Variants in FMN1 observed in about 807,000 individuals in gnomAD.
The protein encoded by FMN1 is formin-1.
FMN1 carries 110 observed loss-of-function variants against 132.4 expected under a neutral mutation model. The ratio of observed to expected loss-of-function variants is 0.83; its 90% CI spans 0.71 to 0.97. FMN1 has a LOEUF of 0.97. FMN1 is among the 50% of genes least tolerant of loss of function. The probability of loss-of-function intolerance (pLI) is 0.00; values close to 1 mark genes in which losing one functional copy is unlikely to be tolerated. For missense variants in FMN1, 1,792 were observed against 1,705.3 expected (o/e 1.05, Z -0.90); for synonymous variants, 722 against 651.7 (o/e 1.11, Z -1.64).
In FMN1 at chr15:32,867,936, C is replaced by T. The variant is rs770809198; in HGVS notation, c.3836-10829G>A. Reference sequence around the variant, plus strand: ...TGTATTTTTCTTACTGTTAAATCTCCAGCATCTACTGTAATGTCTATCTAG... The same window carrying T: ...TGTATTTTTCTTACTGTTAAATCTCTAGCATCTACTGTAATGTCTATCTAG... On this transcript the variant is annotated intron_variant, in intron 16 of 20. Transcript: ENST00000616417. 1.4e-4 allele frequency among the ~76,000 whole-genome samples: 21 copies of T among 152,164 alleles called. 1 individual carries two copies. Among genetic ancestry groups the T allele is most frequent in the Admixed American group, 7.2e-4 (11 of 15,278 alleles).
intron 4 of FMN1, among the ~76,000 whole-genome samples, chr15:33,151,829 G>T (rs1964451588): frequency 6.6e-6 from 1 of 152,080 alleles, no homozygotes; most frequent in African/African-American, 2.4e-5. Flanking sequence ...GACTTTCCTG[G>T]TGAAGCATAT....
At chr15:32,856,203 G>T (rs568112258) in intron 17 of FMN1, among the ~76,000 whole-genome samples, 49 of 152,262 alleles carry the variant, frequency 3.2e-4, no homozygotes, top group Admixed American at 8.5e-4. Flanking sequence ...CTCAGTAATA[G>T]AAAAAGCATG....
chr15:32,823,304 G>A (rs543982273), intron 17 of FMN1, among the ~76,000 whole-genome samples: 127 of 151,764 alleles, frequency 8.4e-4, no homozygotes, highest in Non-Finnish European at 1.5e-3. Context: ...TGGGACTACA[G>A]GCACCCACCA....
intron 4 of FMN1, among the ~76,000 whole-genome samples, chr15:33,124,585 A>G (rs887554618): frequency 6.6e-6 from 1 of 152,164 alleles, no homozygotes; most frequent in African/African-American, 2.4e-5. Context: ...CTTGGTCTTC[A>G]CCATCAGCAT....
At chr15:33,022,219 A>C (rs188529930) in intron 6 of FMN1, among the ~76,000 whole-genome samples, 2 of 152,258 alleles carry the variant, frequency 1.3e-5, no homozygotes, top group East Asian at 3.9e-4. Context: ...TTTTTTCCCA[A>C]ATGTTTCCAA....
At chr15:33,058,360 T>C (rs2037330528) in intron 6 of FMN1, among the ~76,000 whole-genome samples, 1 of 152,218 alleles carries the variant, frequency 6.6e-6, no homozygotes, top group Non-Finnish European at 1.5e-5. Context: ...CTGAATGCAC[T>C]GGTTTTATTT....
chr15:33,186,114 T>C (rs112807105), intron 2 of FMN1, among the ~76,000 whole-genome samples: 6 of 151,988 alleles, frequency 3.9e-5, no homozygotes, highest in African/African-American at 7.2e-5. Flanking sequence ...AGCTCTTCTA[T>C]TGCAAAGAGT....
At chr15:32,921,124 A>G (rs143612271) in intron 10 of FMN1, among the ~76,000 whole-genome samples, 6 of 152,342 alleles carry the variant, frequency 3.9e-5, no homozygotes, top group African/African-American at 7.2e-5. Flanking sequence ...TGTGAAGGAA[A>G]TAAGAGTATT....
intron 9 of FMN1, among the ~76,000 whole-genome samples, chr15:32,931,873 A>G (rs2061127325): frequency 6.6e-6 from 1 of 152,318 alleles, no homozygotes; most frequent in African/African-American, 2.4e-5. Flanking sequence ...CTTCTAAAGA[A>G]TATTTCCTTC....
At chr15:32,880,933 C>A (rs950470423) in intron 16 of FMN1, among the ~76,000 whole-genome samples, 1 of 152,156 alleles carries the variant, frequency 6.6e-6, no homozygotes, top group Admixed American at 6.5e-5. Flanking sequence ...AGTCAAATAT[C>A]ACATGGTAAG....
rs527243129 is a variant in FMN1 at position 32,985,548 on chromosome 15, A to G, written c.2224-16071T>C. 9.8e-5 allele frequency among the ~76,000 whole-genome samples: 15 copies of G among 152,298 alleles called. No homozygotes were observed. The South Asian group carries it at 3.1e-3, about 32-fold the overall frequency. On this transcript the variant is annotated intron_variant, in intron 7 of 20. Transcript: ENST00000616417. ...TGTTAGCAAAAGAAAACCAAGGAAG[A>G]AGGAACTGTAATATTAAGTAGTGCC...
intron 5 of FMN1, among the ~76,000 whole-genome samples, chr15:33,078,638 A>G (rs1401008700): frequency 1.5e-5 from 2 of 135,680 alleles, no homozygotes; most frequent in Non-Finnish European, 3.2e-5. Flanking sequence ...AAAATCCAAA[A>G]GGCAACAAAA....
At chr15:32,885,512 C>T (rs553044638) in intron 16 of FMN1, among the ~76,000 whole-genome samples, 1 of 152,264 alleles carries the variant, frequency 6.6e-6, no homozygotes, top group African/African-American at 2.4e-5. Flanking sequence ...ACTTGAGCAC[C>T]ACAAACTTCA....
intron 3 of FMN1, among the ~76,000 whole-genome samples, chr15:33,169,851 T>C (rs1271342368): frequency 6.6e-6 from 1 of 151,634 alleles, no homozygotes; most frequent in Non-Finnish European, 1.5e-5. Flanking sequence ...ATATTATTTA[T>C]TCTTTTGTCA....
chr15:33,040,930 C>G (rs1188152295), intron 6 of FMN1, among the ~76,000 whole-genome samples: 1 of 152,134 alleles, frequency 6.6e-6, no homozygotes, highest in Non-Finnish European at 1.5e-5. Flanking sequence ...TACTTTGGTA[C>G]TTAAAATACA....
At chr15:32,979,117 G>A (rs1242127058) in intron 7 of FMN1, among the ~76,000 whole-genome samples, 1 of 152,106 alleles carries the variant, frequency 6.6e-6, no homozygotes, top group Non-Finnish European at 1.5e-5. Context: ...TACATCTTCT[G>A]CTATGAGCTT....
chr15:33,178,398 T>C (rs1448204605), intron 3 of FMN1, among the ~76,000 whole-genome samples: 1 of 152,204 alleles, frequency 6.6e-6, no homozygotes, highest in African/African-American at 2.4e-5. Flanking sequence ...TCTTGGGCTT[T>C]TATCTGCCAG....
chr15:32,858,644 C>T (rs1472363629), intron 16 of FMN1, among the ~76,000 whole-genome samples: 1 of 152,176 alleles, frequency 6.6e-6, no homozygotes, highest in Non-Finnish European at 1.5e-5. Flanking sequence ...CTAGGAAATC[C>T]TGTCCGTTGG....
intron 4 of FMN1, among the ~76,000 whole-genome samples, chr15:33,142,452 A>G (rs1237416484): frequency 2.0e-5 from 3 of 152,210 alleles, no homozygotes; most frequent in African/African-American, 7.2e-5. Context: ...AATTTGATAC[A>G]GGATGCCAAA....
Sources: allele counts gnomAD v4.1 joint callset (sites outside exome capture counted in the v4.1 genomes callset), GRCh38; gene constraint gnomAD v4.1.1; transcripts MANE v1.5; gene names NCBI Gene and HGNC (gene_info 2026-07-23, HGNC 2026-07-21).